Variants in DYSF observed in about 807,000 individuals in gnomAD.
The protein encoded by DYSF is dysferlin.
DYSF carries 212 observed loss-of-function variants against 274.9 expected under a neutral mutation model. The observed-to-expected ratio is 0.77, with a 90% confidence interval of 0.69 to 0.86. The LOEUF is 0.86. Ranked by LOEUF, DYSF falls within the 40% of genes least tolerant of loss-of-function variation. The pLI, the probability that DYSF is intolerant of heterozygous loss-of-function variation, is 0.00. For synonymous variants in DYSF, 1,091 were observed against 1,078.7 expected, an observed-to-expected ratio of 1.01 and a Z score of -0.22; for missense variants, 2,666 against 2,783.2, an observed-to-expected ratio of 0.96 and a Z score of 0.95.
intron 42 of DYSF, among the ~76,000 whole-genome samples, chr2:71,648,743 C>T (rs1435549086): frequency 6.6e-6 from 1 of 152,098 alleles, no homozygotes; most frequent in African/African-American, 2.4e-5. Flanking sequence ...TCCTCCCCAC[C>T]TCTTGAAAAG....
chr2:71,469,528 CTG>C (rs1383866521), intron 1 of DYSF, among the ~76,000 whole-genome samples: 2 of 152,174 alleles, frequency 1.3e-5, no homozygotes, highest in Non-Finnish European at 2.9e-5. Flanking sequence ...CCAGCCTGCA[CTG>C]TGTGTTTGGC....
At position 71,511,816 on chromosome 2, in the gene DYSF, G is replaced by A; in HGVS notation, c.355G>A (p.Val119Ile). The A allele has an allele frequency of 1.3e-6, 2 of 1,550,724 alleles. No individual in the cohort carries two copies. The highest frequency in any genetic ancestry group is 1.2e-5 in the South Asian group (1 of 84,044). ...GTCTCATCTCTTCCAGGCCTCGCTG[G>A]TCCTGCAGGTGTCCTACACACCGCT... ...TKKQPTGASLVLQVSYTPLPG... is the reference protein window; with the variant it reads ...TKKQPTGASLILQVSYTPLPG... Residue 119 changes from valine (V) to isoleucine (I), a missense_variant, in exon 5 of 56, where the codon GTC (valine) becomes ATC (isoleucine). This residue lies in a region of DYSF where 794 missense variants were observed against 777.1 expected (regional missense o/e 1.02). Coordinates refer to ENST00000410020, the MANE Select transcript of DYSF (RefSeq NM_001130987.2).
At chr2:71,510,363 A>G (rs758138665) in intron 4 of DYSF, among the ~76,000 whole-genome samples, 2 of 152,194 alleles carry the variant, frequency 1.3e-5, no homozygotes. Flanking sequence ...CACGGGTTGC[A>G]GGAGCTGAAG....
At chr2:71,502,650 T>G (rs1295563762) in intron 3 of DYSF, among the ~76,000 whole-genome samples, 2 of 152,146 alleles carry the variant, frequency 1.3e-5, no homozygotes, top group Admixed American at 6.5e-5. Flanking sequence ...CTCTGGTGCG[T>G]GTGGTATGGA....
chr2:71,681,587 C>T (rs2095297151), intron 54 of DYSF, among the ~76,000 whole-genome samples: 1 of 152,232 alleles, frequency 6.6e-6, no homozygotes, highest in Admixed American at 6.5e-5. Context: ...GCCAGTGTGA[C>T]TTTCAAATGG....
chr2:71,589,128 TGGTG>T lies in DYSF; in HGVS notation c.3403-460_3403-457del, dbSNP rs146552395. Among the ~76,000 whole-genome samples the T allele has an allele frequency of 3.7e-3, 562 of 152,230 alleles. 5 individuals are homozygous for T. The highest frequency in any genetic ancestry group is 0.013 in the African/African-American group (533 of 41,534). On this transcript the variant is annotated intron_variant, in intron 30 of 55. Transcript: ENST00000410020. Reference sequence around the variant, plus strand: ...CAGCAGAGTGGGAACTGGTGAGAGATGGTGGGTGTGTGGTGCAGCTTCCTCCAGA... The same window carrying T: ...CAGCAGAGTGGGAACTGGTGAGAGATGGTGTGTGGTGCAGCTTCCTCCAGA...
chr2:71,532,125 AT>A (rs1172143244), intron 14 of DYSF, among the ~76,000 whole-genome samples: 2 of 152,036 alleles, frequency 1.3e-5, no homozygotes, highest in East Asian at 1.9e-4. Context: ...CATTGAAATG[AT>A]TTTTTTTGAT....
intron 51 of DYSF, among the ~76,000 whole-genome samples, chr2:71,673,315 C>T (rs1361899687): frequency 6.6e-6 from 1 of 152,212 alleles, no homozygotes; most frequent in East Asian, 1.9e-4. Flanking sequence ...AGTCCCACAC[C>T]GCTCAGTTGC....
rs768425085 is a variant in DYSF, at chr2:71,526,341, C to CGCAGAGT, written c.1274_1276+4dup. 3 of 1,592,088 alleles carry CGCAGAGT rather than the reference C, an allele frequency of 1.9e-6. No individual in the cohort carries two copies. The African/African-American group carries it at 4.1e-5, about 22-fold the overall frequency. On this transcript the variant is annotated frameshift_variant, in exon 13 of 56. Coordinates refer to ENST00000410020, the MANE Select transcript of DYSF (RefSeq NM_001130987.2). LOFTEE classifies it high-confidence loss of function. ...AAGGTCTTCCGGGCCGAGGACTTGC[C>CGCAGAGT]GCAGAGTGCGTGGGGCGCGCCCTTG...
At chr2:71,593,386 C>T (rs1196564334) in intron 32 of DYSF, among the ~76,000 whole-genome samples, 1 of 152,204 alleles carries the variant, frequency 6.6e-6, no homozygotes, top group African/African-American at 2.4e-5. Context: ...CCGCCTTGGC[C>T]TCCCGGAGTG....
chr2:71,546,014 C>G (rs1239560267), intron 17 of DYSF, among the ~76,000 whole-genome samples: 1 of 152,184 alleles, frequency 6.6e-6, no homozygotes, highest in East Asian at 1.9e-4. Context: ...AGTTAAATAG[C>G]TTGATTTAAG....
intron 1 of DYSF, among the ~76,000 whole-genome samples, chr2:71,459,531 G>C (rs10190362): frequency 6.6e-6 from 1 of 152,128 alleles, no homozygotes; most frequent in Non-Finnish European, 1.5e-5. Context: ...CAGACGGTCA[G>C]TGTTAGGTGG....
chr2:71,576,366 A>G (rs1278301257), intron 30 of DYSF: 2 of 152,490 alleles, frequency 1.3e-5, no homozygotes, highest in African/African-American at 4.8e-5. Context: ...CCATCAGTCA[A>G]GCAGCCATGG....
chr2:71,516,865 A>G, intron 9 of DYSF, 124 bp from the exon 10 acceptor site: 2 of 893,788 alleles, frequency 2.2e-6, no homozygotes, highest in Non-Finnish European at 3.8e-6. Context: ...TGCTTAGAAC[A>G]GTCTCTGGAA....
chr2:71,532,338 T>G (rs2088826369), intron 14 of DYSF, among the ~76,000 whole-genome samples: 1 of 152,228 alleles, frequency 6.6e-6, no homozygotes, highest in Admixed American at 6.5e-5. Flanking sequence ...TTTTTAAGTA[T>G]TTGATACAGA....
chr2:71,549,372 G>A lies in DYSF; in HGVS notation c.1577-1669G>A, dbSNP rs1269958742. 6.2e-7 allele frequency: 1 copy of A among 1,612,490 alleles called. No homozygotes were observed. Among genetic ancestry groups the A allele is most frequent in the Admixed American group, 1.7e-5 (1 of 59,910 alleles). On this transcript the variant is annotated intron_variant, in intron 17 of 55. Coordinates refer to ENST00000410020, the MANE Select transcript of DYSF (RefSeq NM_001130987.2). ...CAGAGGAGCCTGCAGGTGCTGTCAA[G>A]CCTTCGAAAGCCTCAGACTGTACGT...
At chr2:71,513,985 C>G in intron 7 of DYSF, 64 bp downstream of exon 7, 5 of 1,588,410 alleles carry the variant, frequency 3.1e-6, no homozygotes, top group Non-Finnish European at 4.3e-6. Context: ...GTGCCAGGCA[C>G]CTGCCTGGTT....
intron 22 of DYSF, among the ~76,000 whole-genome samples, chr2:71,556,279 G>T (rs2091333512): frequency 6.6e-6 from 1 of 152,254 alleles, no homozygotes; most frequent in Non-Finnish European, 1.5e-5. Context: ...TCTCCCTGCA[G>T]CAGCGGCAGC....
chr2:71,637,860 A>G (rs1349447923), intron 41 of DYSF, among the ~76,000 whole-genome samples: 1 of 152,222 alleles, frequency 6.6e-6, no homozygotes, highest in African/African-American at 2.4e-5. Flanking sequence ...GGTGCAGGCC[A>G]TTGATTAGAA....
Sources: gnomAD v4.1 joint callset for allele counts (sites outside exome capture counted in the v4.1 genomes callset) on GRCh38, gnomAD v4.1.1 for gene constraint, gnomAD v4.1.1 regional missense constraint, MANE v1.5 for transcripts, NCBI Gene and HGNC (gene_info 2026-07-23, HGNC 2026-07-21) for gene names.